PAF1: variants seen among roughly 807,000 people sequenced by gnomAD.
PAF1 encodes RNA polymerase II-associated factor 1 homolog.
A neutral mutation model predicts 68.4 loss-of-function variants in PAF1; 31 were observed. That is an observed-to-expected ratio of 0.45 (90% confidence interval 0.34 to 0.61). The LOEUF (loss-of-function observed/expected upper bound fraction) is 0.61. Ranked by LOEUF, PAF1 falls within the 20% of genes least tolerant of loss-of-function variation. The pLI is 0.01. For synonymous variants in PAF1, 256 were observed against 240.5 expected, an observed-to-expected ratio of 1.06 and a Z score of -0.60; for missense variants, 435 against 692.9, an observed-to-expected ratio of 0.63 and a Z score of 4.18.
At chr19:39,388,038 G>C (rs1189718638) in intron 11 of PAF1, among the ~76,000 whole-genome samples, 1 of 152,188 alleles carries the variant, frequency 6.6e-6, no homozygotes, top group Non-Finnish European at 1.5e-5. Context: ...CTACTCAGGA[G>C]GCTGAGGCAG....
At chr19:39,390,548 T>A (rs538473951) in intron 1 of PAF1, among the ~76,000 whole-genome samples, 1 of 152,286 alleles carries the variant, frequency 6.6e-6, no homozygotes, top group East Asian at 1.9e-4. Context: ...AGTGCTTTAA[T>A]AAAGAACCAT....
At position 39,386,324 on chromosome 19, in the gene PAF1, C is replaced by T. The variant is rs2078247819; in HGVS notation, c.1263G>A (p.Glu421=). The change falls in exon 14 of 14, where the codon GAG becomes GAA. Residue 421 remains glutamate (E), a synonymous_variant. Transcript: ENST00000221265. The surrounding 1 kb of genome is among the most constrained non-coding windows in gnomAD (Gnocchi z 6.1). ...DEHSGSESER[E]EGDRDEASDK... is the part of the protein sequence containing the mutation. ...CACTGGCCTCGTCCCTGTCACCTTC[C>T]TCCCGTTCACTCTCGCTGCCCGAGT... 2 of 1,614,180 alleles carry T rather than the reference C, an allele frequency of 1.2e-6. No individual in the cohort carries two copies. Among genetic ancestry groups the T allele is most frequent in the Non-Finnish European group, 1.7e-6 (2 of 1,180,038 alleles).
At position 39,386,610 on chromosome 19, in the gene PAF1, G is replaced by A; in HGVS notation, c.1093-38C>T. The A allele has an allele frequency of 4.3e-6, 7 of 1,610,082 alleles. No individual in the cohort carries two copies. Among genetic ancestry groups the A allele is most frequent in the Non-Finnish European group, 6.0e-6 (7 of 1,176,448 alleles). ...AGATTGGAATGAGGGGAAGGAGGGT[G>A]TTCTGCTGGGTTTTTGTCCCCCTCC... On this transcript the variant is annotated intron_variant, in intron 12 of 13. Transcript: ENST00000221265. The surrounding 1 kb of genome is among the most constrained non-coding windows in gnomAD (Gnocchi z 6.1).
Position 39,388,461 on chromosome 19 carries a change from G to A in PAF1, c.864C>T (p.Asp288=). 1 of 1,614,144 alleles carries A rather than the reference G, an allele frequency of 6.2e-7. No individual in the cohort carries two copies. The highest frequency in any genetic ancestry group is 8.5e-7 in the Non-Finnish European group (1 of 1,180,032). ...AGTTGTACTCCCGAGCAATTTTGTAGTCATACCTGAAGATGAGGGCACAGG... is the reference window on the plus strand; with the variant it reads ...AGTTGTACTCCCGAGCAATTTTGTAATCATACCTGAAGATGAGGGCACAGG... ...EMDYAPDDVY[D]YKIAREYNWN... Residue 288 remains aspartate (D), a synonymous_variant, in exon 11 of 14, where the codon GAC becomes GAT. Transcript: ENST00000221265.
intron 8 of PAF1, 23 bp downstream of exon 8, chr19:39,388,924 C>G: frequency 6.2e-7 from 1 of 1,613,398 alleles, no homozygotes; most frequent in Non-Finnish European, 8.5e-7. Context: ...CTGTCCCTTT[C>G]TACCTCCCAC....
Position 39,389,850 on chromosome 19 carries a change from G to T in PAF1, c.171-89C>A, listed in dbSNP as rs1600614907. On this transcript the variant is annotated intron_variant, in intron 3 of 13. Transcript: ENST00000221265. The surrounding 1 kb of genome is among the most constrained non-coding windows in gnomAD (Gnocchi z 5.3). ...CCAGAGGCGGAGCTTCTCTGGGGAG[G>T]AACTCAGAATGAAGTGTCCCCCATG... 6.4e-7 allele frequency: 1 copy of T among 1,553,136 alleles called. No individual in the cohort carries two copies. The highest frequency in any genetic ancestry group is 8.9e-7 in the Non-Finnish European group (1 of 1,127,740).
At position 39,389,558 on chromosome 19, in the gene PAF1, C is replaced by A; in HGVS notation, c.293-12G>T. The A allele has an allele frequency of 6.2e-7, 1 of 1,614,110 alleles. No individual in the cohort carries two copies. Among genetic ancestry groups the A allele is most frequent in the Non-Finnish European group, 8.5e-7 (1 of 1,179,992 alleles). ...TGGATCTAGAAGAACTAGAGGAGAG[C>A]GGGGGGCAGGAGGACCATGAGGGAG... is the stretch of plus-strand genomic sequence containing the variant. On this transcript the variant is annotated splice_polypyrimidine_tract_variant and intron_variant, in intron 4 of 13. Transcript: ENST00000221265. The surrounding 1 kb of genome is among the most constrained non-coding windows in gnomAD (Gnocchi z 5.3).
chr19:39,390,662 G>C (rs754148087), intron 1 of PAF1, among the ~76,000 whole-genome samples, 156 bp downstream of exon 1: 63 of 152,168 alleles, frequency 4.1e-4, no homozygotes, highest in Non-Finnish European at 8.1e-4. Context: ...ACGGCGGGGA[G>C]GAGGGGAACA....
rs1410379950 is a variant in PAF1, at chr19:39,389,629, T to G, written c.292+11A>C. The stretch of plus-strand genomic sequence containing the variant: ...TGACCTAGAGCAGACCCTCCCTGTC[T>G]CCCCACACACCATTGGGGTCGATGC... On this transcript the variant is annotated intron_variant, in intron 4 of 13. Transcript: ENST00000221265. This position sits in a 1 kb window ranked among gnomAD's most constrained non-coding sequence, Gnocchi z 5.3. 6.2e-7 allele frequency: 1 copy of G among 1,614,178 alleles called. No individual in the cohort carries two copies. Among genetic ancestry groups the G allele is most frequent in the South Asian group, 1.1e-5 (1 of 91,078 alleles).
rs1373702114 is a variant in PAF1 at position 39,385,984 on chromosome 19, C to G, written c.*7G>C. Reference sequence around the variant, plus strand: ...GGTGTCTGAACCAGCCCTGAATGCCCTGGGACTCAGTCACTGTCACTATCA... The same window carrying G: ...GGTGTCTGAACCAGCCCTGAATGCCGTGGGACTCAGTCACTGTCACTATCA... On this transcript the variant is annotated 3_prime_UTR_variant, in exon 14 of 14. Coordinates refer to ENST00000221265, the MANE Select transcript of PAF1 (RefSeq NM_019088.4). 6.2e-7 allele frequency: 1 copy of G among 1,613,044 alleles called. No homozygotes were observed. The highest frequency in any genetic ancestry group is 8.5e-7 in the Non-Finnish European group (1 of 1,180,018).
In PAF1 at chr19:39,388,485, G is replaced by A; in HGVS notation, c.858-18C>T. 1.2e-6 allele frequency: 2 copies of A among 1,614,166 alleles called. No homozygotes were observed. The highest frequency in any genetic ancestry group is 1.7e-6 in the Non-Finnish European group (2 of 1,180,002). On this transcript the variant is annotated intron_variant, in intron 10 of 13. Coordinates refer to ENST00000221265, the MANE Select transcript of PAF1 (RefSeq NM_019088.4). Reference sequence around the variant, plus strand: ...AGTCATACCTGAAGATGAGGGCACAGGTTCAGCCCCATTTCTTCCCTATCC... The same window carrying A: ...AGTCATACCTGAAGATGAGGGCACAAGTTCAGCCCCATTTCTTCCCTATCC...
At chr19:39,388,250 G>A in intron 11 of PAF1, 89 bp downstream of exon 11, 1 of 1,317,338 alleles carries the variant, frequency 7.6e-7, no homozygotes, top group Non-Finnish European at 1.1e-6. Flanking sequence ...AAATTCTTAG[G>A]TACAAATGAC....
intron 9 of PAF1, 38 bp downstream of exon 9, chr19:39,388,724 G>A (rs2078307743): frequency 6.2e-7 from 1 of 1,605,940 alleles, no homozygotes; most frequent in Admixed American, 1.7e-5. Context: ...ACAAGAGGCA[G>A]CAAGGAGCAG....
chr19:39,388,245 C>A, intron 11 of PAF1, 94 bp downstream of exon 11: 1 of 1,259,120 alleles, frequency 7.9e-7, no homozygotes, highest in Non-Finnish European at 1.1e-6. Context: ...ATGACAAATT[C>A]TTAGGTACAA....
rs942332631 is a variant in PAF1 at position 39,389,986 on chromosome 19, G to A, written c.170+83C>T. ...TAGGGTAGGTACTGTGCTAGGCCCTGAGCAGACAGCAGCCAACGAGACAAG... is the reference window on the plus strand; with the variant it reads ...TAGGGTAGGTACTGTGCTAGGCCCTAAGCAGACAGCAGCCAACGAGACAAG... On this transcript the variant is annotated intron_variant, in intron 3 of 13. Transcript: ENST00000221265. This position sits in a 1 kb window ranked among gnomAD's most constrained non-coding sequence, Gnocchi z 5.3. 2 of 1,190,732 alleles carry A rather than the reference G, an allele frequency of 1.7e-6. No individual in the cohort carries two copies. The highest frequency in any genetic ancestry group is 1.2e-6 in the Non-Finnish European group (1 of 801,262). The allele number at this position is 1,190,732 out of a possible 1,614,324, so 73.8% of individuals were successfully genotyped here. A position where few individuals can be genotyped will look rare whatever the true frequency, so the allele number is the denominator to read the frequency against.
rs1228103569 is a variant in PAF1 at position 39,389,619 on chromosome 19, CCTCCCTGT to C, written c.292+13_292+20del. On this transcript the variant is annotated intron_variant, in intron 4 of 13. Coordinates refer to ENST00000221265, the MANE Select transcript of PAF1 (RefSeq NM_019088.4). This position sits in a 1 kb window ranked among gnomAD's most constrained non-coding sequence, Gnocchi z 5.3. ...GAGCCTTTGCTGACCTAGAGCAGAC[CCTCCCTGT>C]CTCCCCACACACCATTGGGGTCGAT... 1.9e-6 allele frequency: 3 copies of C among 1,614,038 alleles called. No individual in the cohort carries two copies. The highest frequency in any genetic ancestry group is 2.5e-6 in the Non-Finnish European group (3 of 1,180,034).
In PAF1 at chr19:39,389,695, G is replaced by C; in HGVS notation, c.237C>G (p.Asp79Glu). 2 of 1,614,150 alleles carry C rather than the reference G, an allele frequency of 1.2e-6. No homozygotes were observed. Among genetic ancestry groups the C allele is most frequent in the Non-Finnish European group, 1.7e-6 (2 of 1,179,982 alleles). ...TGATGAGATCGATGGTGACCCCCAG[G>C]TCTGGCTCAGTCAGGAGGTCATGTT... is the stretch of plus-strand genomic sequence containing the variant. ...QHKHDLLTEPDLGVTIDLINP... is the reference protein window; with the variant it reads ...QHKHDLLTEPELGVTIDLINP... The change falls in exon 4 of 14, where the codon GAC becomes GAG. Residue 79 changes from aspartate (D) to glutamate (E), a missense_variant. Coordinates refer to ENST00000221265, the MANE Select transcript of PAF1 (RefSeq NM_019088.4). This position sits in a 1 kb window ranked among gnomAD's most constrained non-coding sequence, Gnocchi z 5.3.
rs147781421 is a variant in PAF1 at position 39,386,074 on chromosome 19, T to C, written c.1513A>G (p.Ser505Gly). The C allele has an allele frequency of 1.3e-4, 205 of 1,614,016 alleles. No homozygotes were observed. The highest frequency in any genetic ancestry group is 8.3e-4 in the Middle Eastern group (5 of 6,060). Residue 505 changes from serine (S) to glycine (G), a missense_variant, in exon 14 of 14, where the codon AGT becomes GGT. Physicochemically the swap from Ser to Gly is moderately conservative, Grantham distance 56 (BLOSUM62 0). This residue lies in a region of PAF1 where 83 missense variants were observed against 99.9 expected (regional missense o/e 0.83). Transcript: ENST00000221265. This position sits in a 1 kb window ranked among gnomAD's most constrained non-coding sequence, Gnocchi z 6.1. ...SHSRSASPFP[S>G]GSEHSAQEDG... ...TCCTGGGCCGAGTGCTCGCTGCCACTGGGGAAGGGACTGGCGCTGCGGCTG... is the reference window on the plus strand; with the variant it reads ...TCCTGGGCCGAGTGCTCGCTGCCACCGGGGAAGGGACTGGCGCTGCGGCTG...
Position 39,386,268 on chromosome 19 carries a change from C to T in PAF1, c.1319G>A (p.Ser440Asn). 6.2e-7 allele frequency: 1 copy of T among 1,614,190 alleles called. No homozygotes were observed. Among genetic ancestry groups the T allele is most frequent in the Non-Finnish European group, 8.5e-7 (1 of 1,180,034 alleles). The change falls in exon 14 of 14, where the codon AGC (serine) becomes AAC (asparagine). Residue 440 changes from serine (S) to asparagine (N), a missense_variant. This residue lies in a region of PAF1 where 78 missense variants were observed against 80.6 expected (regional missense o/e 0.97). Coordinates refer to ENST00000221265, the MANE Select transcript of PAF1 (RefSeq NM_019088.4). The surrounding 1 kb of genome is among the most constrained non-coding windows in gnomAD (Gnocchi z 6.1). The part of the protein sequence containing the change: ...DKSGSGEDES[S>N]EDEARAARDK... ...ACGGGCAGCCCGGGCCTCATCCTCG[C>T]TGCTCTCGTCCTCACCACTGCCACT...
Sources: gnomAD v4.1 joint callset for allele counts (sites outside exome capture counted in the v4.1 genomes callset) on GRCh38, gnomAD v4.1.1 for gene constraint, gnomAD v4.1.1 regional missense constraint, Gnocchi (gnomAD v3.1) non-coding constraint, MANE v1.5 for transcripts, NCBI Gene and HGNC (gene_info 2026-07-23, HGNC 2026-07-21) for gene names.